Variants in AKR1E2 observed in about 807,000 individuals in gnomAD.
AKR1E2 encodes aldo-keto reductase family 1 member E2, also known as 1,5-anhydro-D-fructose reductase.
AKR1E2 carries 43 observed loss-of-function variants against 41.9 expected under a neutral mutation model. That is an observed-to-expected ratio of 1.03 (90% CI 0.80 to 1.32). AKR1E2 has a LOEUF of 1.32. AKR1E2 is among the 40% of genes most tolerant of loss of function. The pLI is 0.00. For synonymous variants in AKR1E2, 121 were observed against 138.9 expected, an observed-to-expected ratio of 0.87 and a Z score of 0.91; for missense variants, 423 against 396.5, an observed-to-expected ratio of 1.07 and a Z score of -0.57.
chr10:4,825,248 A>G (rs1402222028), upstream of AKR1E2, among the ~76,000 whole-genome samples: 1 of 152,144 alleles, frequency 6.6e-6, no homozygotes, highest in Non-Finnish European at 1.5e-5. Flanking sequence ...CCTGATGGCC[A>G]GCACTGAAGA....
Position 4,839,716 on chromosome 10 carries a change from G to C in AKR1E2, c.583-13G>C, listed in dbSNP as rs770803915. On this transcript the variant is annotated splice_polypyrimidine_tract_variant and intron_variant, in intron 5 of 9. Coordinates refer to ENST00000298375, the MANE Select transcript of AKR1E2 (RefSeq NM_001040177.3). ...GTGGTCTGAATTTTATGTAAGCTAT[G>C]ATTCTGTTATAGATTGAGTGCCACC... 4.4e-6 allele frequency: 7 copies of C among 1,608,846 alleles called. No individual in the cohort carries two copies. The East Asian group carries it at 1.3e-4, about 31-fold the overall frequency.
the AKR1E2 span, among the ~76,000 whole-genome samples, chr10:4,860,275 T>G: frequency 1.3e-5 from 2 of 152,208 alleles, no homozygotes; most frequent in Non-Finnish European, 2.9e-5. Context: ...GATGAGTCCA[T>G]AGGGCACTAG....
intron 8 of AKR1E2, among the ~76,000 whole-genome samples, chr10:4,843,552 A>G (rs1427065547): frequency 6.6e-6 from 1 of 152,208 alleles, no homozygotes; most frequent in Non-Finnish European, 1.5e-5. Context: ...TGAGCTGCCC[A>G]TGAGCTCCAC....
At chr10:4,847,259 G>A in intron 9 of AKR1E2, 29 bp downstream of exon 9, 1 of 1,613,492 alleles carries the variant, frequency 6.2e-7, no homozygotes, top group Non-Finnish European at 8.5e-7. Context: ...TTTTAAAACA[G>A]AGGGAAGAAT....
chr10:4,829,184 A>T (rs1832778054), intron 1 of AKR1E2, among the ~76,000 whole-genome samples: 1 of 152,172 alleles, frequency 6.6e-6, no homozygotes, highest in African/African-American at 2.4e-5. Flanking sequence ...TCCCCGACTT[A>T]CTGGGAGTTT....
At chr10:4,845,931 A>C (rs1834301989) in intron 8 of AKR1E2, 1 of 455,658 alleles carries the variant, frequency 2.2e-6, no homozygotes, top group African/African-American at 2.0e-5. Context: ...TTATGCTGTC[A>C]GGAGGAGGTG....
In AKR1E2 at chr10:4,835,618, G is replaced by T. The variant is rs73590964; in HGVS notation, c.325-57G>T. 2.2e-4 allele frequency: 252 copies of T among 1,133,272 alleles called. 1 individual carries two copies. In the African/African-American group the frequency reaches 2.6e-3, roughly 12 times the overall value. The allele number at this position is 1,133,272 out of a possible 1,614,324, so 70.2% of individuals were successfully genotyped here. On this transcript the variant is annotated intron_variant, in intron 3 of 9. Coordinates refer to ENST00000298375, the MANE Select transcript of AKR1E2 (RefSeq NM_001040177.3). The stretch of plus-strand genomic sequence containing the variant: ...TTGGATGCAGGTCTCCTGACACATG[G>T]TTTTTTTTGTTTTGTTTTGTTTTGT...
At chr10:4,871,143 T>C in the AKR1E2 span, among the ~76,000 whole-genome samples, 1 of 152,174 alleles carries the variant, frequency 6.6e-6, no homozygotes, top group East Asian at 1.9e-4. Context: ...AATCTGGTTA[T>C]TCATTTATCT....
chr10:4,868,411 G>A, the AKR1E2 span, among the ~76,000 whole-genome samples: 1 of 152,154 alleles, frequency 6.6e-6, no homozygotes, highest in Non-Finnish European at 1.5e-5. Flanking sequence ...GCTTTGGTCT[G>A]TTTTTGTGGG....
the AKR1E2 span, among the ~76,000 whole-genome samples, chr10:4,860,021 C>T: frequency 2.0e-5 from 3 of 152,120 alleles, no homozygotes; most frequent in East Asian, 1.9e-4. Context: ...TTGTGTCTTC[C>T]GCCAGTGTCT....
At chr10:4,855,308 G>A in the AKR1E2 span, among the ~76,000 whole-genome samples, 1 of 152,326 alleles carries the variant, frequency 6.6e-6, no homozygotes, top group East Asian at 1.9e-4. Flanking sequence ...AATCTGATGT[G>A]CTTTGTGTGT....
At chr10:4,870,823 A>T in the AKR1E2 span, among the ~76,000 whole-genome samples, 33,152 of 151,964 alleles carry the variant, frequency 0.22, 3,834 homozygotes, top group Middle Eastern at 0.33. Context: ...GTGTATTTCT[A>T]AATTTGAAAA....
At chr10:4,871,072 T>C in the AKR1E2 span, among the ~76,000 whole-genome samples, 1 of 152,270 alleles carries the variant, frequency 6.6e-6, no homozygotes, top group Non-Finnish European at 1.5e-5. Context: ...TGTTATGCTA[T>C]TGATTCCATT....
the AKR1E2 span, among the ~76,000 whole-genome samples, chr10:4,858,868 G>A: frequency 1.4e-5 from 2 of 140,296 alleles, no homozygotes; most frequent in South Asian, 4.4e-4. Context: ...TTGTCACCCA[G>A]GCTGGAGTAC....
chr10:4,836,883 C>G (rs923876765), intron 4 of AKR1E2, among the ~76,000 whole-genome samples: 4 of 152,208 alleles, frequency 2.6e-5, no homozygotes, highest in Admixed American at 2.0e-4. Context: ...TGGCACGAAG[C>G]TATGCTCTTC....
In AKR1E2 at chr10:4,835,717, T is replaced by G; in HGVS notation, c.367T>G (p.Phe123Val). The G allele has an allele frequency of 3.7e-6, 6 of 1,614,160 alleles. No homozygotes were observed. Among genetic ancestry groups the G allele is most frequent in the Non-Finnish European group, 5.1e-6 (6 of 1,180,032 alleles). Residue 123 changes from phenylalanine to valine, a missense_variant, in exon 4 of 10, where the codon TTC (phenylalanine) becomes GTC (valine). Physicochemically the swap from Phe to Val is conservative, Grantham distance 50. Transcript: ENST00000298375. Reference protein sequence around the residue: ...EWIMSCSELSFCLSHPRVQDL... With the variant: ...EWIMSCSELSVCLSHPRVQDL... ...GATCATGAGCTGCAGTGAACTTTCC[T>G]TCTGCCTCTCACATCCTCGAGTGCA...
the AKR1E2 span, among the ~76,000 whole-genome samples, chr10:4,863,105 T>C: frequency 1.1e-4 from 16 of 151,918 alleles, no homozygotes; most frequent in Admixed American, 9.2e-4. Context: ...CTGCACCAAG[T>C]GGACCTAATA....
At chr10:4,852,617 C>T (rs532064091), downstream of AKR1E2, among the ~76,000 whole-genome samples, 2 of 152,186 alleles carry the variant, frequency 1.3e-5, no homozygotes, top group South Asian at 4.1e-4. Flanking sequence ...TGCCACCCCA[C>T]CTGGTGTCTA....
chr10:4,863,837 A>G, the AKR1E2 span, among the ~76,000 whole-genome samples: 6 of 152,244 alleles, frequency 3.9e-5, no homozygotes, highest in Admixed American at 1.3e-4. Context: ...AAACACCTCT[A>G]TGCAAACAAA....
Sources: gnomAD v4.1 joint callset for allele counts (sites outside exome capture counted in the v4.1 genomes callset) on GRCh38, gnomAD v4.1.1 for gene constraint, MANE v1.5 for transcripts, NCBI Gene and HGNC (gene_info 2026-07-23, HGNC 2026-07-21) for gene names.